TRIM71: variants seen among roughly 807,000 people sequenced by gnomAD.
The protein encoded by TRIM71 is E3 ubiquitin-protein ligase TRIM71.
A neutral mutation model predicts 61.2 loss-of-function variants in TRIM71; 9 were observed. The ratio of observed to expected loss-of-function variants is 0.15; its 90% confidence interval spans 0.09 to 0.26. The LOEUF (loss-of-function observed/expected upper bound fraction) is 0.26, where lower values mean the gene tolerates loss of function less well. Among genes scored for constraint, TRIM71 ranks in the 10% least tolerant of loss-of-function variants. The probability of loss-of-function intolerance (pLI) is 1.00; values close to 1 mark genes in which losing one functional copy is unlikely to be tolerated. For missense variants in TRIM71, 998 were observed against 1,238.7 expected (o/e 0.81, Z 2.92); for synonymous variants, 645 against 553.2 (o/e 1.17, Z -2.33).
At chr3:32,854,490 C>T (rs1261623567) in intron 1 of TRIM71, among the ~76,000 whole-genome samples, 1 of 152,104 alleles carries the variant, frequency 6.6e-6, no homozygotes, top group African/African-American at 2.4e-5. Flanking sequence ...ACCCACTTGA[C>T]CAAGGCTCTG....
chr3:32,865,680 GT>G (rs1696725073), intron 1 of TRIM71, among the ~76,000 whole-genome samples: 1 of 149,928 alleles, frequency 6.7e-6, no homozygotes, highest in Non-Finnish European at 1.5e-5. Flanking sequence ...AAATGAGGCT[GT>G]TTCTCTTTTT....
At position 32,867,261 on chromosome 3, in the gene TRIM71, A is replaced by G. The variant is rs550638540; in HGVS notation, c.853-6557A>G. On this transcript the variant is annotated intron_variant, in intron 1 of 3. Coordinates refer to ENST00000383763, the MANE Select transcript of TRIM71 (RefSeq NM_001039111.3). ...ATCTTGTTCAGCCAGACAGTATTAC[A>G]TGTGTACGTTTAATACTGTGCATTT... Among the ~76,000 whole-genome samples the G allele has an allele frequency of 8.5e-5, 13 of 152,204 alleles. No homozygotes were observed. In the South Asian group the frequency reaches 1.7e-3, roughly 19 times the overall value.
At position 32,894,727 on chromosome 3, in the gene TRIM71, T is replaced by G. The variant is rs542357929; in HGVS notation, c.*2916T>G. 1 of 152,368 alleles carries G rather than the reference T, an allele frequency of 6.6e-6. No homozygotes were observed. The highest frequency in any genetic ancestry group is 1.9e-4 in the East Asian group (1 of 5,192). The allele number at this position is 152,368 out of a possible 1,614,324, so 9.4% of individuals were successfully genotyped here. On this transcript the variant is annotated 3_prime_UTR_variant, in exon 4 of 4. Coordinates refer to ENST00000383763, the MANE Select transcript of TRIM71 (RefSeq NM_001039111.3). The stretch of plus-strand genomic sequence containing the variant: ...GTTTATTGTATGATGTGAAATGTTC[T>G]AAATCAAAGAAAGATGATAAAAGCC...
chr3:32,819,060 A>G, intron 1 of TRIM71, 128 bp downstream of exon 1: 1 of 1,025,066 alleles, frequency 9.8e-7, no homozygotes, highest in Non-Finnish European at 1.5e-6. Context: ...TCCTTTGGCT[A>G]CGTGGCAGTC....
At chr3:32,877,401 G>GC (rs1289366349) in intron 2 of TRIM71, among the ~76,000 whole-genome samples, 6 of 145,790 alleles carry the variant, frequency 4.1e-5, no homozygotes, top group African/African-American at 1.7e-4. Context: ...ACCGCGCCTG[G>GC]CCATTTTTTT....
At chr3:32,873,285 G>A (rs556615429) in intron 1 of TRIM71, among the ~76,000 whole-genome samples, 29 of 152,262 alleles carry the variant, frequency 1.9e-4, no homozygotes, top group Non-Finnish European at 3.4e-4. Flanking sequence ...TGAGTGCCTG[G>A]GAGAACCATG....
At chr3:32,879,330 G>T (rs1204688473) in intron 2 of TRIM71, among the ~76,000 whole-genome samples, 2 of 152,174 alleles carry the variant, frequency 1.3e-5, no homozygotes, top group Non-Finnish European at 2.9e-5. Context: ...TTTATTTCAA[G>T]AACTTTACTT....
At chr3:32,836,085 T>C (rs1320457640) in intron 1 of TRIM71, among the ~76,000 whole-genome samples, 1 of 152,176 alleles carries the variant, frequency 6.6e-6, no homozygotes, top group Admixed American at 6.5e-5. Context: ...TGTAACCCTC[T>C]CTTATAGAAG....
intron 3 of TRIM71, among the ~76,000 whole-genome samples, chr3:32,887,566 A>G (rs1489896082): frequency 6.9e-6 from 1 of 145,458 alleles, no homozygotes; most frequent in Non-Finnish European, 1.5e-5. Context: ...CTTTGTTACA[A>G]GTTTTGTTTT....
Position 32,891,852 on chromosome 3 carries a change from G to GTCTCTCTCTCTCTCTCTC in TRIM71, c.*45_*62dup. The stretch of plus-strand genomic sequence containing the variant: ...TTCTGTGTTTGGGGTGTGTGTGCGT[G>GTCTCTCTCTCTCTCTCTC]TCTCTCTCTCTCTCTCTCTCTTTCT... On this transcript the variant is annotated 3_prime_UTR_variant, in exon 4 of 4. Coordinates refer to ENST00000383763, the MANE Select transcript of TRIM71 (RefSeq NM_001039111.3). This position sits in a 1 kb window ranked among gnomAD's most constrained non-coding sequence, Gnocchi z 8.2. The GTCTCTCTCTCTCTCTCTC allele has an allele frequency of 6.9e-7, 1 of 1,439,946 alleles. No individual in the cohort carries two copies. Among genetic ancestry groups the GTCTCTCTCTCTCTCTCTC allele is most frequent in the Admixed American group, 2.1e-5 (1 of 46,830 alleles). 89.2% of individuals were successfully genotyped at this position (1,439,946 alleles called of 1,614,324 possible). A position where few individuals can be genotyped will look rare whatever the true frequency, so the allele number is the denominator to read the frequency against.
intron 1 of TRIM71, among the ~76,000 whole-genome samples, chr3:32,829,173 C>CT (rs965151234): frequency 6.8e-6 from 1 of 147,484 alleles, no homozygotes; most frequent in Non-Finnish European, 1.5e-5. Flanking sequence ...TTCTTTTTTT[C>CT]TTTTTTCTTT....
chr3:32,866,101 C>T (rs1264631695), intron 1 of TRIM71, among the ~76,000 whole-genome samples: 1 of 152,012 alleles, frequency 6.6e-6, no homozygotes, highest in Admixed American at 6.6e-5. Context: ...GCTGGGATTA[C>T]AGGCGTGAGC....
In TRIM71 at chr3:32,874,003, T is replaced by C; in HGVS notation, c.1020+18T>C. On this transcript the variant is annotated intron_variant, in intron 2 of 3. Transcript: ENST00000383763. ...CAATCCAGGTGAGCCTTCCCTGCCC[T>C]TCTGCAGTTCCCACGTGAATCGAGC... 6.3e-7 allele frequency: 1 copy of C among 1,587,616 alleles called. No homozygotes were observed. The highest frequency in any genetic ancestry group is 8.6e-7 in the Non-Finnish European group (1 of 1,167,290).
At chr3:32,834,059 C>A (rs1452183667) in intron 1 of TRIM71, among the ~76,000 whole-genome samples, 1 of 152,106 alleles carries the variant, frequency 6.6e-6, no homozygotes, top group Non-Finnish European at 1.5e-5. Context: ...CACATAGGTG[C>A]TGGAAATACA....
intron 1 of TRIM71, among the ~76,000 whole-genome samples, chr3:32,843,569 A>T (rs1352668364): frequency 1.3e-5 from 2 of 152,144 alleles, no homozygotes; most frequent in African/African-American, 4.8e-5. Flanking sequence ...TCCTGCTAGC[A>T]GGTCCCCCTC....
At chr3:32,884,124 T>C (rs1438785865) in intron 2 of TRIM71, among the ~76,000 whole-genome samples, 1 of 152,118 alleles carries the variant, frequency 6.6e-6, no homozygotes, top group African/African-American at 2.4e-5. Flanking sequence ...TTGTTTTGTT[T>C]TGTTTAAATA....
intron 1 of TRIM71, among the ~76,000 whole-genome samples, chr3:32,859,977 C>G (rs1327627219): frequency 6.6e-6 from 1 of 152,172 alleles, no homozygotes; most frequent in Non-Finnish European, 1.5e-5. Context: ...ATCCAGCTTT[C>G]CTGCCACCCA....
rs377168853 is a variant in TRIM71, at chr3:32,890,542, C to A, written c.1338C>A (p.Thr446=). 1.0e-4 allele frequency: 164 copies of A among 1,613,906 alleles called. No individual in the cohort carries two copies. The highest frequency in any genetic ancestry group is 1.3e-4 in the Non-Finnish European group (157 of 1,180,028). The part of the protein sequence containing the change: ...RMLAQVQELK[T]VRSLLQPQED... ...TGGCCCAGGTGCAGGAGCTGAAGAC[C>A]GTGCGGAGCCTCCTGCAGCCCCAGG... Residue 446 remains threonine, a synonymous_variant, in exon 4 of 4, where the codon ACC becomes ACA. Coordinates refer to ENST00000383763, the MANE Select transcript of TRIM71 (RefSeq NM_001039111.3). The surrounding 1 kb of genome is among the most constrained non-coding windows in gnomAD (Gnocchi z 6.2).
At chr3:32,840,929 C>T (rs1360051604) in intron 1 of TRIM71, among the ~76,000 whole-genome samples, 1 of 152,142 alleles carries the variant, frequency 6.6e-6, no homozygotes, top group Non-Finnish European at 1.5e-5. Context: ...TATCCACAAA[C>T]TAAAGATTCT....
Sources: allele counts gnomAD v4.1 joint callset (sites outside exome capture counted in the v4.1 genomes callset), GRCh38; gene constraint gnomAD v4.1.1; non-coding constraint Gnocchi (gnomAD v3.1); transcripts MANE v1.5; gene names NCBI Gene and HGNC (gene_info 2026-07-23, HGNC 2026-07-21).